MXI1: variants seen among roughly 807,000 people sequenced by gnomAD.
MXI1 encodes MAX interactor 1, dimerization protein.
In MXI1, 18 loss-of-function variants were observed where a neutral mutation model predicts 36.9. That is an observed-to-expected ratio of 0.49 (90% confidence interval 0.34 to 0.72). The LOEUF is 0.72. MXI1 is among the 30% of genes least tolerant of loss of function. The pLI is 0.01. For missense variants in MXI1, 304 were observed against 379.1 expected (o/e 0.80, Z 1.64); for synonymous variants, 160 against 146.7 (o/e 1.09, Z -0.65).
At chr10:110,244,441 G>A (rs1855785297) in intron 2 of MXI1, among the ~76,000 whole-genome samples, 1 of 151,684 alleles carries the variant, frequency 6.6e-6, no homozygotes, top group Non-Finnish European at 1.5e-5. Context: ...TGGAGATAGA[G>A]GAGGACATGG....
intron 2 of MXI1, among the ~76,000 whole-genome samples, chr10:110,234,707 C>G (rs1275159016): frequency 6.6e-6 from 1 of 152,044 alleles, no homozygotes; most frequent in East Asian, 1.9e-4. Flanking sequence ...TAGAATATTG[C>G]TCTGTAATAG....
In MXI1 at chr10:110,236,905, A is replaced by G. The variant is rs1855496801; in HGVS notation, c.408-7923A>G. Among the ~76,000 whole-genome samples the G allele has an allele frequency of 2.0e-5, 3 of 152,222 alleles. No homozygotes were observed. The South Asian group carries it at 6.2e-4, about 31-fold the overall frequency. ...CTATTGAATCTTCTAATTCATTAACATGAATTAATAGACATGGTATGTCTA... is the reference window on the plus strand; with the variant it reads ...CTATTGAATCTTCTAATTCATTAACGTGAATTAATAGACATGGTATGTCTA... On this transcript the variant is annotated intron_variant, in intron 2 of 5. Transcript: ENST00000332674.
intron 3 of MXI1, among the ~76,000 whole-genome samples, chr10:110,249,092 C>T (rs748479040): frequency 1.3e-5 from 2 of 152,068 alleles, no homozygotes; most frequent in Admixed American, 6.6e-5. Flanking sequence ...TTTTATTTGA[C>T]GTGTTAAACA....
At chr10:110,280,151 T>TTTA in intron 5 of MXI1, 66 bp downstream of exon 5, 1 of 1,370,066 alleles carries the variant, frequency 7.3e-7, no homozygotes, top group Non-Finnish European at 9.8e-7. Context: ...AGGGAAGGTA[T>TTTA]GTTGGGAGGC....
intron 1 of MXI1, among the ~76,000 whole-genome samples, chr10:110,219,441 C>T (rs72830445): frequency 0.088 from 13,419 of 152,202 alleles, 1,098 homozygotes; most frequent in East Asian, 0.29. Flanking sequence ...CATTGCCGTT[C>T]GGAGTGAGTG....
chr10:110,227,996 C>T (rs544950703), intron 1 of MXI1, 193 bp from the exon 2 acceptor site: 118 of 603,482 alleles, frequency 2.0e-4, no homozygotes, highest in Non-Finnish European at 2.9e-4. Flanking sequence ...ATCAAAACAC[C>T]TTCCAGCTGG....
At chr10:110,208,152 G>A in intron 1 of MXI1, 70 bp downstream of exon 1, 2 of 1,498,764 alleles carry the variant, frequency 1.3e-6, no homozygotes, top group South Asian at 1.2e-5. Context: ...GGCGACCCCT[G>A]TTGCGAGCTC....
At chr10:110,216,437 G>A (rs1461531930) in intron 1 of MXI1, among the ~76,000 whole-genome samples, 1 of 152,056 alleles carries the variant, frequency 6.6e-6, no homozygotes, top group African/African-American at 2.4e-5. Flanking sequence ...TATTATTCCA[G>A]TGCCAGGTTT....
chr10:110,209,861 G>C (rs1304712426), intron 1 of MXI1, among the ~76,000 whole-genome samples: 1 of 152,114 alleles, frequency 6.6e-6, no homozygotes, highest in East Asian at 1.9e-4. Flanking sequence ...CGTTGGCTCT[G>C]ACTAGGGGTA....
At chr10:110,274,776 A>G (rs1363684209) in intron 3 of MXI1, among the ~76,000 whole-genome samples, 1 of 151,944 alleles carries the variant, frequency 6.6e-6, no homozygotes, top group Non-Finnish European at 1.5e-5. Context: ...CATGCCTTTC[A>G]TGAATCGTTA....
chr10:110,208,420 C>CTT (rs769093791), intron 1 of MXI1: 98 of 133,844 alleles, frequency 7.3e-4, no homozygotes, highest in South Asian at 4.2e-3. Context: ...GCTTTTCTTC[C>CTT]TTTTTTTTTT....
In MXI1 at chr10:110,286,898, T is replaced by TA. The variant is rs1220107731; in HGVS notation, c.*1913dup. 1 of 152,214 alleles carries TA rather than the reference T, an allele frequency of 6.6e-6. No individual in the cohort carries two copies. The highest frequency in any genetic ancestry group is 1.5e-5 in the Non-Finnish European group (1 of 68,028). 9.4% of individuals were successfully genotyped at this position (152,214 alleles called of 1,614,324 possible). On this transcript the variant is annotated 3_prime_UTR_variant, in exon 6 of 6. Transcript: ENST00000332674. ...TGCTACGTTTCAGGTGCTAGGGACT[T>TA]AATGAAAAACAGGACAAAACAATTC... is the stretch of plus-strand genomic sequence containing the variant.
chr10:110,217,504 G>A (rs1448839779), intron 1 of MXI1, among the ~76,000 whole-genome samples: 2 of 152,104 alleles, frequency 1.3e-5, no homozygotes, highest in African/African-American at 4.8e-5. Flanking sequence ...ACCTTATGGT[G>A]CCCCTGTGTT....
At chr10:110,210,114 C>T in intron 1 of MXI1, 1 of 305,170 alleles carries the variant, frequency 3.3e-6, no homozygotes, top group South Asian at 1.3e-4. Context: ...GCGTGGCCAC[C>T]AGTCACGTAA....
chr10:110,251,276 C>G (rs1256104328), intron 3 of MXI1, among the ~76,000 whole-genome samples: 1 of 152,020 alleles, frequency 6.6e-6, no homozygotes, highest in African/African-American at 2.4e-5. Flanking sequence ...CAAAACAGTT[C>G]TAATCATGAT....
chr10:110,257,903 A>T (rs899155589), intron 3 of MXI1: 41 of 226,570 alleles, frequency 1.8e-4, no homozygotes, highest in South Asian at 9.3e-4. Context: ...GGAAAAAAAA[A>T]TAAGGGGGGA....
At chr10:110,238,702 G>A (rs897233349) in intron 2 of MXI1, among the ~76,000 whole-genome samples, 2 of 145,484 alleles carry the variant, frequency 1.4e-5, no homozygotes, top group African/African-American at 4.9e-5. Flanking sequence ...TTCTTTGTGG[G>A]AAGGTTTTTT....
intron 1 of MXI1, chr10:110,208,671 C>G (rs1158634137): frequency 6.6e-6 from 1 of 151,276 alleles, no homozygotes; most frequent in Non-Finnish European, 1.5e-5. Context: ...AGCAGCAGGA[C>G]TGGGCTCAGG....
intron 1 of MXI1, among the ~76,000 whole-genome samples, chr10:110,208,784 C>T (rs1401760484): frequency 6.6e-6 from 1 of 150,930 alleles, no homozygotes; most frequent in Non-Finnish European, 1.5e-5. Context: ...CCAAGCAACG[C>T]CAGCAGCTCG....
Sources: gnomAD v4.1 joint callset for allele counts (sites outside exome capture counted in the v4.1 genomes callset) on GRCh38, gnomAD v4.1.1 for gene constraint, MANE v1.5 for transcripts, NCBI Gene and HGNC (gene_info 2026-07-23, HGNC 2026-07-21) for gene names.